SLC35D4: variants seen among roughly 807,000 people sequenced by gnomAD.
SLC35D4 encodes solute carrier family 35 member D4, also known as UDP-N-acetylglucosamine transporter SLC35D4.
the SLC35D4 span, among the ~76,000 whole-genome samples, chr18:23,277,004 A>G: frequency 4.6e-5 from 7 of 152,110 alleles, no homozygotes; most frequent in Non-Finnish European, 1.0e-4. Context: ...AACCACCTCA[A>G]ATCTTACTGG....
At chr18:23,312,779 G>C in the SLC35D4 span, among the ~76,000 whole-genome samples, 1 of 152,056 alleles carries the variant, frequency 6.6e-6, no homozygotes. Context: ...AGCCATCCCA[G>C]GACCAAGGTC....
the SLC35D4 span, among the ~76,000 whole-genome samples, chr18:23,411,634 G>T: frequency 6.6e-6 from 1 of 151,986 alleles, no homozygotes; most frequent in Non-Finnish European, 1.5e-5. Flanking sequence ...TTTGCCAAGG[G>T]GTCTAATTTG....
At chr18:23,424,851 C>T in the SLC35D4 span, among the ~76,000 whole-genome samples, 3 of 152,082 alleles carry the variant, frequency 2.0e-5, no homozygotes, top group East Asian at 5.8e-4. Flanking sequence ...GGGAGCCTGC[C>T]TCTACAAAAA....
the SLC35D4 span, among the ~76,000 whole-genome samples, chr18:23,386,167 A>G: frequency 6.6e-6 from 1 of 151,820 alleles, no homozygotes; most frequent in South Asian, 2.1e-4. Context: ...ATGGTCCCCT[A>G]AAAGACATCC....
chr18:23,244,969 G>A, the SLC35D4 span, among the ~76,000 whole-genome samples: 1 of 152,244 alleles, frequency 6.6e-6, no homozygotes, highest in South Asian at 2.1e-4. Context: ...CCCTAGAGCG[G>A]AAGTACCTTT....
the SLC35D4 span, among the ~76,000 whole-genome samples, chr18:23,308,262 T>TGTGTGCC: frequency 6.6e-6 from 1 of 152,060 alleles, no homozygotes; most frequent in African/African-American, 2.4e-5. Context: ...AGGAGACACA[T>TGTGTGCC]GTGTGCCATG....
the SLC35D4 span, among the ~76,000 whole-genome samples, chr18:23,422,003 C>T: frequency 6.6e-6 from 1 of 151,954 alleles, no homozygotes; most frequent in Non-Finnish European, 1.5e-5. Context: ...TAGACTTTTC[C>T]TGAACAGCCT....
At chr18:23,414,892 T>TG in the SLC35D4 span, among the ~76,000 whole-genome samples, 2 of 152,144 alleles carry the variant, frequency 1.3e-5, no homozygotes, top group East Asian at 1.9e-4. Flanking sequence ...TCAGGAGGAC[T>TG]GCTTGAGGCC....
the SLC35D4 span, among the ~76,000 whole-genome samples, chr18:23,337,231 T>C: frequency 6.6e-6 from 1 of 152,176 alleles, no homozygotes; most frequent in Non-Finnish European, 1.5e-5. Context: ...CCCAGCACTT[T>C]GGGAGGCCGA....
At chr18:23,394,802 T>C in the SLC35D4 span, among the ~76,000 whole-genome samples, 1 of 151,686 alleles carries the variant, frequency 6.6e-6, no homozygotes, top group Non-Finnish European at 1.5e-5. Context: ...AGAAATTTCA[T>C]CTCTAGTATT....
At chr18:23,414,366 AAG>A in the SLC35D4 span, among the ~76,000 whole-genome samples, 3 of 141,266 alleles carry the variant, frequency 2.1e-5, no homozygotes, top group East Asian at 6.4e-4. Flanking sequence ...AGGAAGGGGA[AAG>A]AGAGAAAGAG....
chr18:23,402,654 T>C, the SLC35D4 span, among the ~76,000 whole-genome samples: 2 of 150,912 alleles, frequency 1.3e-5, no homozygotes, highest in Admixed American at 6.6e-5. Context: ...AATTTAAAAA[T>C]TCAGCTGAGT....
At chr18:23,320,231 A>G in the SLC35D4 span, among the ~76,000 whole-genome samples, 1 of 152,052 alleles carries the variant, frequency 6.6e-6, no homozygotes, top group Non-Finnish European at 1.5e-5. Context: ...TTTCACTTTG[A>G]GTATTTTCTA....
At chr18:23,435,558 A>G in the SLC35D4 span, among the ~76,000 whole-genome samples, 1 of 152,286 alleles carries the variant, frequency 6.6e-6, no homozygotes, top group South Asian at 2.1e-4. Flanking sequence ...TCCCATGAGA[A>G]GAAAACAAAT....
the SLC35D4 span, among the ~76,000 whole-genome samples, chr18:23,347,356 A>G: frequency 6.6e-6 from 1 of 152,200 alleles, no homozygotes; most frequent in East Asian, 1.9e-4. Context: ...CTTCTATAGG[A>G]TCAGTAGTAA....
the SLC35D4 span, among the ~76,000 whole-genome samples, chr18:23,277,639 A>C: frequency 4.6e-5 from 7 of 152,212 alleles, no homozygotes; most frequent in Non-Finnish European, 1.0e-4. Flanking sequence ...AGGCAAGGGA[A>C]ACTTTATTCA....
chr18:23,332,753 T>TAA, the SLC35D4 span, among the ~76,000 whole-genome samples: 2 of 144,360 alleles, frequency 1.4e-5, no homozygotes, highest in African/African-American at 5.0e-5. Flanking sequence ...AAAAATTGAT[T>TAA]AAAAAAAAAA....
the SLC35D4 span, among the ~76,000 whole-genome samples, chr18:23,415,440 G>A: frequency 6.6e-6 from 1 of 152,160 alleles, no homozygotes; most frequent in Non-Finnish European, 1.5e-5. Flanking sequence ...CTTTCAAAGT[G>A]TTTTTATTTA....
At chr18:23,267,927 T>C in the SLC35D4 span, among the ~76,000 whole-genome samples, 15 of 152,330 alleles carry the variant, frequency 9.8e-5, no homozygotes, top group African/African-American at 3.4e-4. Context: ...GCAAGTCTTC[T>C]GGCCACCCGG....
Sources: allele counts gnomAD v4.1 joint callset (sites outside exome capture counted in the v4.1 genomes callset), GRCh38; gene constraint gnomAD v4.1.1; transcripts MANE v1.5; gene names NCBI Gene and HGNC (gene_info 2026-07-23, HGNC 2026-07-21).